The following DNAJB14 variants were observed in gnomAD, a reference collection of about 807,000 sequenced individuals.
The protein encoded by DNAJB14 is DnaJ heat shock protein family (Hsp40) member B14.
A neutral mutation model predicts 48.4 loss-of-function variants in DNAJB14; 22 were observed. That is an observed-to-expected ratio of 0.45 (90% CI 0.32 to 0.65). DNAJB14 has a LOEUF of 0.65. DNAJB14 is among the 30% of genes least tolerant of loss of function. The pLI, the probability that DNAJB14 is intolerant of heterozygous loss-of-function variation, is 0.03. For missense variants in DNAJB14, 319 were observed against 458.8 expected, an observed-to-expected ratio of 0.70 and a Z score of 2.78; for synonymous variants, 142 against 158.7, an observed-to-expected ratio of 0.89 and a Z score of 0.79.
At chr4:99,930,286 T>C in intron 2 of DNAJB14, 164 bp downstream of exon 2, 1 of 557,130 alleles carries the variant, frequency 1.8e-6, no homozygotes, top group Non-Finnish European at 2.9e-6. Context: ...GTTGGTACTT[T>C]ACAGACCAGT....
rs544287208 is a variant in DNAJB14, at chr4:99,935,896, C to T, written c.134-5275G>A. ...CAGCCTGGCCAACATGGTGAAACCT[C>T]GTCTCTACTAAAAATACAAAAAGTA... On this transcript the variant is annotated intron_variant, in intron 1 of 7. Coordinates refer to ENST00000442697, the MANE Select transcript of DNAJB14 (RefSeq NM_001031723.4). Among the ~76,000 whole-genome samples the T allele has an allele frequency of 2.8e-3, 427 of 152,086 alleles. 13 individuals are homozygous for T. The highest frequency in any genetic ancestry group is 1.5e-3 in the East Asian group (8 of 5,164).
At chr4:99,903,621 A>T in intron 7 of DNAJB14, 105 bp downstream of exon 7, 1 of 1,225,856 alleles carries the variant, frequency 8.2e-7, no homozygotes, top group African/African-American at 1.5e-5. Context: ...TGCTCCAATT[A>T]TGTGCCAGGG....
At chr4:99,945,589 A>G (rs928712400) in intron 1 of DNAJB14, among the ~76,000 whole-genome samples, 1 of 152,214 alleles carries the variant, frequency 6.6e-6, no homozygotes, top group African/African-American at 2.4e-5. Flanking sequence ...TAATTATCAG[A>G]AAGTCTGTTT....
At chr4:99,930,725 A>G (rs1291929991) in intron 1 of DNAJB14, 104 bp from the exon 2 acceptor site, 2 of 1,266,558 alleles carry the variant, frequency 1.6e-6, no homozygotes, top group East Asian at 2.5e-5. Flanking sequence ...GTGTTCTCCA[A>G]AAAGATTCAC....
intron 2 of DNAJB14, chr4:99,924,770 G>GTACA: frequency 6.2e-7 from 1 of 1,611,606 alleles, no homozygotes. Context: ...TGTGTGTTAG[G>GTACA]TACAGGTCCA....
intron 3 of DNAJB14, among the ~76,000 whole-genome samples, chr4:99,912,460 A>T (rs143800674): frequency 1.3e-5 from 2 of 151,820 alleles, no homozygotes; most frequent in African/African-American, 4.8e-5. Flanking sequence ...TTAAATCTGT[A>T]TATCAATCTG....
chr4:99,941,890 C>T (rs193040064), intron 1 of DNAJB14, among the ~76,000 whole-genome samples: 8 of 152,176 alleles, frequency 5.3e-5, no homozygotes, highest in Non-Finnish European at 7.4e-5. Flanking sequence ...ATTTTTGTAA[C>T]ACTTCAGTTG....
chr4:99,905,504 C>T (rs564186144), intron 6 of DNAJB14, 93 bp downstream of exon 6: 9 of 892,870 alleles, frequency 1.0e-5, no homozygotes, highest in Admixed American at 2.3e-5. Flanking sequence ...AGATTTGGCA[C>T]TTAAAAGTTT....
In DNAJB14 at chr4:99,941,445, T is replaced by G. The variant is rs141193010; in HGVS notation, c.133+4994A>C. Among the ~76,000 whole-genome samples, 611 of 152,264 alleles carry G rather than the reference T, an allele frequency of 4.0e-3. 1 individual carries two copies. Among genetic ancestry groups the G allele is most frequent in the African/African-American group, 0.014 (581 of 41,570 alleles). On this transcript the variant is annotated intron_variant, in intron 1 of 7. Transcript: ENST00000442697. ...CTATTCAAGTTTTTTCCTATAGAAA[T>G]AATACATGACATGCTTACAGCACTT...
chr4:99,940,592 A>AAAAT (rs906789381), intron 1 of DNAJB14, among the ~76,000 whole-genome samples: 4 of 152,186 alleles, frequency 2.6e-5, no homozygotes, highest in African/African-American at 9.7e-5. Flanking sequence ...CACTGTCTCA[A>AAAAT]AAATAAATAA....
At chr4:99,919,632 A>G (rs1364380940) in intron 3 of DNAJB14, among the ~76,000 whole-genome samples, 1 of 151,990 alleles carries the variant, frequency 6.6e-6, no homozygotes, top group Non-Finnish European at 1.5e-5. Flanking sequence ...CAACTAACTA[A>G]TATGTTGTTC....
Position 99,899,392 on chromosome 4 carries a change from C to G in DNAJB14, c.*1636G>C, listed in dbSNP as rs1239550721. On this transcript the variant is annotated 3_prime_UTR_variant, in exon 8 of 8. Transcript: ENST00000442697. ...TTAAAATTGTATTTTCTCTTAAGCA[C>G]TGCTTTTTTTTTTTTTTTAAGGTAA... The G allele has an allele frequency of 3.3e-5, 5 of 149,738 alleles. No homozygotes were observed. Among genetic ancestry groups the G allele is most frequent in the Middle Eastern group, 3.5e-3 (1 of 284 alleles). The allele number at this position is 149,738 out of a possible 1,614,324, so 9.3% of individuals were successfully genotyped here. A position where few individuals can be genotyped will look rare whatever the true frequency, so the allele number is the denominator to read the frequency against.
At chr4:99,915,689 A>T (rs1725829194) in intron 3 of DNAJB14, among the ~76,000 whole-genome samples, 1 of 152,158 alleles carries the variant, frequency 6.6e-6, no homozygotes, top group South Asian at 2.1e-4. Flanking sequence ...ACTTGAAAAG[A>T]ATTTGTAGTC....
intron 3 of DNAJB14, among the ~76,000 whole-genome samples, chr4:99,918,116 C>A (rs1451734509): frequency 6.6e-6 from 1 of 152,120 alleles, no homozygotes; most frequent in Non-Finnish European, 1.5e-5. Flanking sequence ...AATATTAGAT[C>A]TTTTGCTATA....
intron 3 of DNAJB14, among the ~76,000 whole-genome samples, chr4:99,916,410 A>G (rs1231110090): frequency 6.6e-6 from 1 of 152,208 alleles, no homozygotes; most frequent in South Asian, 2.1e-4. Flanking sequence ...AGTGCTAGGA[A>G]TATATAGGCA....
chr4:99,906,430 A>C (rs1725469073), intron 5 of DNAJB14, 87 bp downstream of exon 5: 1 of 1,289,656 alleles, frequency 7.8e-7, no homozygotes, highest in African/African-American at 1.5e-5. Context: ...ATTATTTCCT[A>C]CAACTACTTG....
chr4:99,925,493 C>A (rs1022503184), intron 2 of DNAJB14: 5 of 152,222 alleles, frequency 3.3e-5, no homozygotes, highest in African/African-American at 1.2e-4. Flanking sequence ...ATTTACTCCT[C>A]ATTTGGTAGA....
intron 3 of DNAJB14, among the ~76,000 whole-genome samples, chr4:99,921,410 T>A (rs551977780): frequency 5.9e-5 from 9 of 152,306 alleles, no homozygotes; most frequent in African/African-American, 1.9e-4. Context: ...TTAGGTGACA[T>A]CTATGTTGCT....
intron 1 of DNAJB14, among the ~76,000 whole-genome samples, chr4:99,937,923 T>TA (rs373465440): frequency 0.022 from 2,612 of 119,924 alleles, 35 homozygotes; most frequent in South Asian, 0.031. Context: ...TCTATTTATT[T>TA]AAAAAAAAAA....
Sources: gnomAD v4.1 joint callset for allele counts (sites outside exome capture counted in the v4.1 genomes callset) on GRCh38, gnomAD v4.1.1 for gene constraint, MANE v1.5 for transcripts, NCBI Gene and HGNC (gene_info 2026-07-23, HGNC 2026-07-21) for gene names.